DCDC1: variants seen among roughly 807,000 people sequenced by gnomAD.
DCDC1 encodes the protein doublecortin domain-containing protein 1.
In DCDC1, 200 loss-of-function variants were observed where a neutral mutation model predicts 178.3. The ratio of observed to expected loss-of-function variants is 1.12; its 90% CI spans 1.00 to 1.26. The LOEUF (loss-of-function observed/expected upper bound fraction) is 1.26, where lower values mean the gene tolerates loss of function less well. Among genes scored for constraint, DCDC1 ranks in the 50% most tolerant of loss-of-function variants. DCDC1 has a pLI of 0.00. For missense variants in DCDC1, 1,983 were observed against 1,749.2 expected (o/e 1.13, Z -2.38); for synonymous variants, 690 against 604.8 (o/e 1.14, Z -2.07).
At position 31,064,364 on chromosome 11, in the gene DCDC1, C is replaced by T. The variant is rs1956133852; in HGVS notation, c.2591+105G>A. ...ACTACTACGCTTGAAAGCCAAAGGG[C>T]TTTTGAGATATTTCAATTATCTTCA... On this transcript the variant is annotated intron_variant, in intron 20 of 38. Transcript: ENST00000684477. The T allele has an allele frequency of 9.5e-6, 6 of 631,334 alleles. No individual in the cohort carries two copies. The South Asian group carries it at 1.3e-4, about 13-fold the overall frequency. The allele number at this position is 631,334 out of a possible 1,614,324, so 39.1% of individuals were successfully genotyped here. A position where few individuals can be genotyped will look rare whatever the true frequency, so the allele number is the denominator to read the frequency against.
At chr11:31,197,472 C>G in intron 9 of DCDC1, among the ~76,000 whole-genome samples, 1 of 151,952 alleles carries the variant, frequency 6.6e-6, no homozygotes, top group Admixed American at 6.6e-5. Context: ...TTTATTCAAC[C>G]CTAAAAGAAC....
intron 8 of DCDC1, chr11:31,262,948 A>G (rs936366458): frequency 3.1e-6 from 4 of 1,302,068 alleles, no homozygotes; most frequent in Admixed American, 2.2e-5. Flanking sequence ...TAAGGATGCA[A>G]AAACAGAGGG....
At chr11:30,874,641 A>G (rs1418157900) in intron 38 of DCDC1, among the ~76,000 whole-genome samples, 1 of 152,154 alleles carries the variant, frequency 6.6e-6, no homozygotes, top group African/African-American at 2.4e-5. Flanking sequence ...TCTCTCCAGC[A>G]TAGTCACTGA....
At chr11:30,885,992 A>C (rs1943134598) in intron 36 of DCDC1, among the ~76,000 whole-genome samples, 5 of 152,156 alleles carry the variant, frequency 3.3e-5, no homozygotes. Flanking sequence ...AATTTGATAG[A>C]AGGTTATGAC....
chr11:30,870,823 C>A lies in DCDC1; in HGVS notation c.*41-5491G>T, dbSNP rs540975502. On this transcript the variant is annotated intron_variant, in intron 38 of 38. Coordinates refer to ENST00000684477, the MANE Select transcript of DCDC1 (RefSeq NM_001387274.1). ...CACCAAAGTCAGTTTTAAGTGTATA[C>A]CCAAGGGCAAGCCTCTCACTGACTG... Among the ~76,000 whole-genome samples the A allele has an allele frequency of 1.2e-4, 18 of 152,286 alleles. No individual in the cohort carries two copies. In the East Asian group the frequency reaches 3.5e-3, roughly 29 times the overall value.
chr11:30,995,440 A>G (rs1337426108), intron 20 of DCDC1, among the ~76,000 whole-genome samples: 1 of 152,188 alleles, frequency 6.6e-6, no homozygotes, highest in Non-Finnish European at 1.5e-5. Context: ...GTCAAAAGCA[A>G]TTAGAATTGC....
At chr11:30,926,545 T>G (rs76974263) in intron 22 of DCDC1, among the ~76,000 whole-genome samples, 3,136 of 152,268 alleles carry the variant, frequency 0.021, 98 homozygotes, top group African/African-American at 0.071. Context: ...AAAGTAGAGC[T>G]ACAGGAGACT....
At chr11:31,128,857 A>G (rs180826020) in intron 10 of DCDC1, among the ~76,000 whole-genome samples, 1 of 152,196 alleles carries the variant, frequency 6.6e-6, no homozygotes, top group Non-Finnish European at 1.5e-5. Context: ...TGTTTTCTGC[A>G]TAACAAGTTT....
chr11:30,944,311 C>A (rs780263078), intron 21 of DCDC1: 2 of 456,688 alleles, frequency 4.4e-6, no homozygotes, highest in South Asian at 3.1e-5. Context: ...GGAACCAAGT[C>A]TATCTCCTTC....
chr11:30,934,432 G>C (rs926918638), intron 21 of DCDC1, among the ~76,000 whole-genome samples: 4 of 152,138 alleles, frequency 2.6e-5, no homozygotes, highest in African/African-American at 7.2e-5. Context: ...TCACCAGCTT[G>C]GGGTATATGG....
intron 9 of DCDC1, among the ~76,000 whole-genome samples, chr11:31,209,908 C>T (rs1169951445): frequency 5.9e-5 from 9 of 152,122 alleles, no homozygotes; most frequent in African/African-American, 2.2e-4. Context: ...ACAGTCAGTC[C>T]ACCAGACACA....
intron 20 of DCDC1, among the ~76,000 whole-genome samples, chr11:31,009,422 T>A (rs926544290): frequency 6.8e-6 from 1 of 147,932 alleles, no homozygotes; most frequent in African/African-American, 2.5e-5. Flanking sequence ...CACACAATTA[T>A]TGTCTCACAG....
At chr11:31,359,454 G>A (rs1158293164) in intron 1 of DCDC1, among the ~76,000 whole-genome samples, 2 of 142,356 alleles carry the variant, frequency 1.4e-5, no homozygotes, top group African/African-American at 5.1e-5. Flanking sequence ...GGAGGGGGAA[G>A]GGATAGCATT....
intron 11 of DCDC1, among the ~76,000 whole-genome samples, chr11:31,123,346 A>G (rs1961089125): frequency 6.6e-6 from 1 of 152,132 alleles, no homozygotes; most frequent in African/African-American, 2.4e-5. Context: ...GTAATAGTAA[A>G]ATGTAATTTA....
intron 30 of DCDC1, 71 bp downstream of exon 30, chr11:30,906,469 A>T: frequency 6.8e-7 from 1 of 1,465,322 alleles, no homozygotes; most frequent in Admixed American, 2.1e-5. Context: ...AGTGCAAGGC[A>T]GATAATGAAT....
chr11:31,280,398 G>A (rs1472581668), intron 7 of DCDC1, among the ~76,000 whole-genome samples: 3 of 152,154 alleles, frequency 2.0e-5, no homozygotes, highest in Admixed American at 6.6e-5. Context: ...TTGTGAAAAG[G>A]TGAAAATTAT....
At chr11:31,023,932 C>T (rs990739113) in intron 20 of DCDC1, among the ~76,000 whole-genome samples, 2 of 151,902 alleles carry the variant, frequency 1.3e-5, no homozygotes, top group Non-Finnish European at 2.9e-5. Context: ...AATCAATATG[C>T]TCACTAGTTG....
intron 36 of DCDC1, among the ~76,000 whole-genome samples, chr11:30,886,695 A>G (rs1458248808): frequency 6.6e-6 from 1 of 152,066 alleles, no homozygotes; most frequent in Non-Finnish European, 1.5e-5. Context: ...ATATAGTCAC[A>G]CTGGGGTTTG....
chr11:31,356,493 C>T (rs1266186652), intron 1 of DCDC1, among the ~76,000 whole-genome samples: 2 of 151,486 alleles, frequency 1.3e-5, no homozygotes, highest in Admixed American at 6.6e-5. Context: ...AGGAAAGATC[C>T]AAAATTGACA....
Sources: gnomAD v4.1 joint callset for allele counts (sites outside exome capture counted in the v4.1 genomes callset) on GRCh38, gnomAD v4.1.1 for gene constraint, MANE v1.5 for transcripts, NCBI Gene and HGNC (gene_info 2026-07-23, HGNC 2026-07-21) for gene names.